The following PRIM1 variants were observed in gnomAD, a reference collection of about 807,000 sequenced individuals.
PRIM1 encodes the protein DNA primase small subunit.
In PRIM1, 38 loss-of-function variants were observed where a neutral mutation model predicts 60.2. The ratio of observed to expected loss-of-function variants is 0.63; its 90% CI spans 0.49 to 0.83. PRIM1 has a LOEUF of 0.83. Among genes scored for constraint, PRIM1 ranks in the 40% least tolerant of loss-of-function variants. The probability of loss-of-function intolerance (pLI) is 0.00; values close to 1 mark genes in which losing one functional copy is unlikely to be tolerated. For missense variants in PRIM1, 388 were observed against 506.2 expected (o/e 0.77, Z 2.24); for synonymous variants, 158 against 160.2 (o/e 0.99, Z 0.10).
chr12:56,734,773 T>C (rs1953811596), intron 11 of PRIM1, among the ~76,000 whole-genome samples: 1 of 120,170 alleles, frequency 8.3e-6, no homozygotes, highest in Non-Finnish European at 1.6e-5. Context: ...ACAAGTCTTT[T>C]ATATTTATAT....
At chr12:56,733,118 G>A (rs1953795864) in intron 12 of PRIM1, among the ~76,000 whole-genome samples, 1 of 148,780 alleles carries the variant, frequency 6.7e-6, no homozygotes, top group Non-Finnish European at 1.5e-5. Flanking sequence ...GCCTCCCAAA[G>A]TGCTAGGATT....
At chr12:56,744,640 T>C (rs1013854904) in intron 5 of PRIM1, among the ~76,000 whole-genome samples, 1 of 152,202 alleles carries the variant, frequency 6.6e-6, no homozygotes, top group Admixed American at 6.5e-5. Context: ...TAACATGCTG[T>C]ACAGGTTGTA....
chr12:56,741,370 A>G, intron 9 of PRIM1, 65 bp downstream of exon 9: 1 of 1,485,500 alleles, frequency 6.7e-7, no homozygotes, highest in South Asian at 1.3e-5. Context: ...ACCTAATGCC[A>G]TGCTTACTAA....
rs989827428 is a variant in PRIM1 at position 56,735,380 on chromosome 12, G to A, written c.1145-1135C>T. Among the ~76,000 whole-genome samples, 7 of 151,484 alleles carry A rather than the reference G, an allele frequency of 4.6e-5. No individual in the cohort carries two copies. The East Asian group carries it at 7.9e-4, about 17-fold the overall frequency. ...CCCAAAGTGCTGGGATTACAGGCGT[G>A]AGCCACCGTGCCCGGCCCCATGTCT... On this transcript the variant is annotated intron_variant, in intron 11 of 12. Transcript: ENST00000338193.
chr12:56,738,299 C>T (rs770031008), intron 11 of PRIM1, 135 bp downstream of exon 11: 105 of 1,251,974 alleles, frequency 8.4e-5, no homozygotes, highest in Non-Finnish European at 1.0e-4. Flanking sequence ...GAAGAAAGGA[C>T]ACAAACATTG....
chr12:56,735,685 C>G (rs1409695741), intron 11 of PRIM1, among the ~76,000 whole-genome samples: 1 of 150,078 alleles, frequency 6.7e-6, no homozygotes, highest in Non-Finnish European at 1.5e-5. Context: ...GAGTCTTGCT[C>G]TGTCTCCCAG....
intron 11 of PRIM1, among the ~76,000 whole-genome samples, chr12:56,736,298 T>TAAAAAAAAAAAAAAAAAAAAAAA (rs756452647): frequency 1.2e-4 from 3 of 24,320 alleles, no homozygotes; most frequent in African/African-American, 6.8e-4. Flanking sequence ...ACTCTTTCTC[T>TAAAAAAAAAAAAAAAAAAAAAAA]AAAAAAAAAA....
intron 7 of PRIM1, 58 bp downstream of exon 7, chr12:56,742,929 T>C: frequency 7.9e-7 from 1 of 1,264,804 alleles, no homozygotes; most frequent in Non-Finnish European, 1.1e-6. Context: ...GTCTAACATT[T>C]ATAATATCAC....
At chr12:56,743,210 A>G in intron 6 of PRIM1, 114 bp from the exon 7 acceptor site, 1 of 1,244,738 alleles carries the variant, frequency 8.0e-7, no homozygotes, top group Non-Finnish European at 1.0e-6. Context: ...CATTTTCAGA[A>G]CTTAACTAGG....
chr12:56,740,780 G>A (rs1953866936), intron 9 of PRIM1, among the ~76,000 whole-genome samples: 1 of 151,874 alleles, frequency 6.6e-6, no homozygotes, highest in Non-Finnish European at 1.5e-5. Flanking sequence ...TTTTGTTTTT[G>A]TCAGTGCTAG....
chr12:56,736,293 T>G (rs1953828826), intron 11 of PRIM1, among the ~76,000 whole-genome samples: 2 of 66,878 alleles, frequency 3.0e-5, no homozygotes, highest in Admixed American at 2.0e-4. Context: ...GTAAGACTCT[T>G]TCTCTAAAAA....
chr12:56,738,345 T>C (rs983774262), intron 11 of PRIM1, 89 bp downstream of exon 11: 4 of 1,478,334 alleles, frequency 2.7e-6, no homozygotes, highest in African/African-American at 2.8e-5. Context: ...TCCATTCTAG[T>C]TGAATCAGAG....
At chr12:56,738,587 C>G in intron 10 of PRIM1, 62 bp from the exon 11 acceptor site, 2 of 1,510,750 alleles carry the variant, frequency 1.3e-6, no homozygotes, top group Non-Finnish European at 1.8e-6. Context: ...GAGTCTTGCT[C>G]TGTTGCCAGG....
At chr12:56,737,346 G>A (rs964244591) in intron 11 of PRIM1, among the ~76,000 whole-genome samples, 7 of 124,630 alleles carry the variant, frequency 5.6e-5, no homozygotes, top group African/African-American at 1.7e-4. Context: ...GCTGCTATGC[G>A]GCATCTTTTT....
rs993618838 is a variant in PRIM1 at position 56,742,005 on chromosome 12, C to A, written c.749-168G>T. On this transcript the variant is annotated intron_variant, in intron 7 of 12. Coordinates refer to ENST00000338193, the MANE Select transcript of PRIM1 (RefSeq NM_000946.3). ...TGGTGGCTCATGCCTGTACTCCCAGCACTTTGGGAGGCAGAGGTGGGTGGA... is the reference window on the plus strand; with the variant it reads ...TGGTGGCTCATGCCTGTACTCCCAGAACTTTGGGAGGCAGAGGTGGGTGGA... 3.0e-5 allele frequency: 20 copies of A among 674,972 alleles called. No individual in the cohort carries two copies. In the East Asian group the frequency reaches 5.6e-4, roughly 19 times the overall value. The allele number at this position is 674,972 out of a possible 1,614,324, so 41.8% of individuals were successfully genotyped here.
Position 56,741,764 on chromosome 12 carries a change from T to C in PRIM1, c.822A>G (p.Lys274=), listed in dbSNP as rs1953874004. The C allele has an allele frequency of 2.5e-6, 4 of 1,613,816 alleles. No homozygotes were observed. Among genetic ancestry groups the C allele is most frequent in the Non-Finnish European group, 3.4e-6 (4 of 1,179,838 alleles). Reference sequence around the variant, plus strand: ...CATATACCTGATATCTGCTGGCTACTTTCTTCAAGTGCTCCCAACGCTGAA... The same window carrying C: ...CATATACCTGATATCTGCTGGCTACCTTCTTCAAGTGCTCCCAACGCTGAA... The part of the protein sequence containing the change: ...NSLQRWEHLK[K]VASRYQNNIK... Residue 274 remains lysine, a synonymous_variant, in exon 8 of 13, where the codon AAA becomes AAG. Coordinates refer to ENST00000338193, the MANE Select transcript of PRIM1 (RefSeq NM_000946.3).
rs113275680 is a variant in PRIM1 at position 56,739,417 on chromosome 12, T to G, written c.983-54A>C. The G allele has an allele frequency of 2.3e-4, 284 of 1,244,700 alleles. No individual in the cohort carries two copies. In the African/African-American group the frequency reaches 3.8e-3, roughly 17 times the overall value. The allele number at this position is 1,244,700 out of a possible 1,614,324, so 77.1% of individuals were successfully genotyped here. ...GATTGTGGACTATAAATCATTATAG[T>G]CATCTCCTACAGGTTATTTTTGGTT... On this transcript the variant is annotated intron_variant, in intron 9 of 12. Transcript: ENST00000338193.
At chr12:56,733,815 T>C (rs1259048797) in intron 12 of PRIM1, among the ~76,000 whole-genome samples, 2 of 152,128 alleles carry the variant, frequency 1.3e-5, no homozygotes, top group Non-Finnish European at 2.9e-5. Flanking sequence ...GGTCTCGAAC[T>C]CCTGACCTCA....
At chr12:56,735,095 G>C (rs1245555163) in intron 11 of PRIM1, among the ~76,000 whole-genome samples, 1 of 151,718 alleles carries the variant, frequency 6.6e-6, no homozygotes, top group Non-Finnish European at 1.5e-5. Context: ...ACAGGCGTGA[G>C]CCACCGCGCC....
Sources: allele counts gnomAD v4.1 joint callset (sites outside exome capture counted in the v4.1 genomes callset), GRCh38; gene constraint gnomAD v4.1.1; transcripts MANE v1.5; gene names NCBI Gene and HGNC (gene_info 2026-07-23, HGNC 2026-07-21).